Variants in TBCE observed in about 807,000 individuals in gnomAD.
TBCE encodes tubulin-specific chaperone E.
TBCE carries 53 observed loss-of-function variants against 77.0 expected under a neutral mutation model. That is an observed-to-expected ratio of 0.69 (90% CI 0.55 to 0.87). The LOEUF is 0.87. Among genes scored for constraint, TBCE ranks in the 40% least tolerant of loss-of-function variants. The pLI is 0.00. For missense variants in TBCE, 624 were observed against 622.4 expected, an observed-to-expected ratio of 1.00 and a Z score of -0.03; for synonymous variants, 235 against 241.3, an observed-to-expected ratio of 0.97 and a Z score of 0.24.
chr1:235,401,502 G>T lies in TBCE; in HGVS notation c.101-1G>T. 1 of 1,613,614 alleles carries T rather than the reference G, an allele frequency of 6.2e-7. No individual in the cohort carries two copies. The highest frequency in any genetic ancestry group is 1.1e-5 in the South Asian group (1 of 91,068). ...TCATTTGGTTTTTCTTGTTCTGCTA[G>T]GACCCTGGTTAGGAGTAGAATGGGA... is the stretch of plus-strand genomic sequence containing the variant. On this transcript the variant is annotated splice_acceptor_variant, in intron 2 of 16. Transcript: ENST00000642610. LOFTEE classifies it high-confidence loss of function.
chr1:235,380,398 A>G (rs1346310038), intron 2 of TBCE, among the ~76,000 whole-genome samples: 1 of 152,166 alleles, frequency 6.6e-6, no homozygotes, highest in Non-Finnish European at 1.5e-5. Flanking sequence ...ATCTTATATA[A>G]AATCAACCTT....
chr1:235,432,824 C>A, intron 7 of TBCE: 1 of 350,800 alleles, frequency 2.9e-6, no homozygotes, highest in Non-Finnish European at 4.2e-6. Flanking sequence ...GAGTTCAAGA[C>A]CCACCTAGGC....
At chr1:235,431,757 C>T (rs1288240861) in intron 7 of TBCE, among the ~76,000 whole-genome samples, 3 of 145,542 alleles carry the variant, frequency 2.1e-5, no homozygotes, top group Non-Finnish European at 3.0e-5. Flanking sequence ...ACTGCAACCT[C>T]CGCCTCCCAG....
chr1:235,404,200 C>T (rs574570310), intron 3 of TBCE, among the ~76,000 whole-genome samples: 3 of 152,090 alleles, frequency 2.0e-5, no homozygotes, highest in South Asian at 4.2e-4. Context: ...TTGCTTGAAC[C>T]TGGGAGGTGG....
chr1:235,387,564 G>C (rs2102828463), intron 2 of TBCE, among the ~76,000 whole-genome samples: 1 of 152,332 alleles, frequency 6.6e-6, no homozygotes, highest in South Asian at 2.1e-4. Context: ...TGCTGTGCTA[G>C]CAATCAGTGA....
intron 15 of TBCE, among the ~76,000 whole-genome samples, chr1:235,447,656 C>G (rs774845934): frequency 1.3e-5 from 2 of 152,046 alleles, no homozygotes; most frequent in East Asian, 3.8e-4. Flanking sequence ...TTCCAGTGTT[C>G]GTTCAGTAAT....
chr1:235,373,278 C>T (rs543352821), intron 1 of TBCE, among the ~76,000 whole-genome samples: 4 of 152,136 alleles, frequency 2.6e-5, no homozygotes, highest in East Asian at 3.9e-4. Flanking sequence ...TAGTAAAAAA[C>T]TCATTTTTAG....
At chr1:235,415,307 T>C (rs1680049015) in intron 4 of TBCE, 1 of 152,562 alleles carries the variant, frequency 6.6e-6, no homozygotes, top group African/African-American at 2.4e-5. Flanking sequence ...TTAAAACTGC[T>C]GCACAAGAAC....
chr1:235,439,911 C>T (rs1681728332), intron 13 of TBCE, among the ~76,000 whole-genome samples: 1 of 152,126 alleles, frequency 6.6e-6, no homozygotes, highest in Non-Finnish European at 1.5e-5. Context: ...AAGTGATTCT[C>T]CTCCCTCAGC....
At chr1:235,430,418 C>T in intron 6 of TBCE, 1 of 325,184 alleles carries the variant, frequency 3.1e-6, no homozygotes, top group Non-Finnish European at 5.9e-6. Context: ...CTTGCAAATG[C>T]CTGAGTTTTG....
chr1:235,374,434 TAG>T (rs1314909515), intron 1 of TBCE, among the ~76,000 whole-genome samples: 1 of 146,114 alleles, frequency 6.8e-6, no homozygotes, highest in Non-Finnish European at 1.5e-5. Flanking sequence ...TTTACCCTGG[TAG>T]AGAGGTTTGG....
chr1:235,442,192 C>T (rs544502006), intron 14 of TBCE, among the ~76,000 whole-genome samples: 3 of 151,772 alleles, frequency 2.0e-5, no homozygotes, highest in South Asian at 2.1e-4. Context: ...TTAATCGAGA[C>T]GGAGTTTTGC....
At chr1:235,406,369 G>C (rs1572375783) in intron 3 of TBCE, among the ~76,000 whole-genome samples, 2 of 152,128 alleles carry the variant, frequency 1.3e-5, no homozygotes, top group South Asian at 4.1e-4. Flanking sequence ...TGTAACATTA[G>C]CAATTAATAG....
chr1:235,409,009 CTTTT>C (rs10565716), intron 3 of TBCE, among the ~76,000 whole-genome samples: 19 of 138,604 alleles, frequency 1.4e-4, no homozygotes, highest in Non-Finnish European at 1.1e-4. Flanking sequence ...AACAGCCAAT[CTTTT>C]TTTTTTTTTT....
At chr1:235,406,688 C>A (rs940731397) in intron 3 of TBCE, among the ~76,000 whole-genome samples, 2 of 152,050 alleles carry the variant, frequency 1.3e-5, no homozygotes, top group Non-Finnish European at 2.9e-5. Flanking sequence ...CCTGCCACTA[C>A]ACCTGGCTAA....
At chr1:235,390,040 C>T (rs747138851) in intron 2 of TBCE, among the ~76,000 whole-genome samples, 7 of 151,632 alleles carry the variant, frequency 4.6e-5, no homozygotes, top group East Asian at 1.9e-4. Context: ...ACAGCAGAAT[C>T]GCTTGAACAC....
rs984648489 is a variant in TBCE, at chr1:235,389,717, C to G, written c.100+9568C>G. The stretch of plus-strand genomic sequence containing the variant: ...GATTTAGTAATAATTTCTGCGGTTA[C>G]TTCACTGGATGTTGTAGAGCTGTTA... On this transcript the variant is annotated intron_variant, in intron 2 of 16. Coordinates refer to ENST00000642610, the MANE Select transcript of TBCE (RefSeq NM_003193.5). 3.9e-5 allele frequency among the ~76,000 whole-genome samples: 6 copies of G among 152,166 alleles called. No individual in the cohort carries two copies. The South Asian group carries it at 6.2e-4, about 16-fold the overall frequency.
intron 6 of TBCE, among the ~76,000 whole-genome samples, chr1:235,428,833 G>A (rs565541509): frequency 4.6e-5 from 7 of 150,968 alleles, no homozygotes; most frequent in African/African-American, 1.7e-4. Context: ...TACTAGAGAC[G>A]GGGTTTCACT....
At chr1:235,391,749 G>C (rs1325907171) in intron 2 of TBCE, among the ~76,000 whole-genome samples, 1 of 151,106 alleles carries the variant, frequency 6.6e-6, no homozygotes, top group Non-Finnish European at 1.5e-5. Flanking sequence ...TGGGATTACA[G>C]ACTTGCACCA....
Sources: gnomAD v4.1 joint callset for allele counts (sites outside exome capture counted in the v4.1 genomes callset) on GRCh38, gnomAD v4.1.1 for gene constraint, MANE v1.5 for transcripts, NCBI Gene and HGNC (gene_info 2026-07-23, HGNC 2026-07-21) for gene names.